The following GLB1 variants were observed in gnomAD, a reference collection of about 807,000 sequenced individuals.
The protein encoded by GLB1 is galactosidase beta 1.
A neutral mutation model predicts 74.0 loss-of-function variants in GLB1; 56 were observed. That is an observed-to-expected ratio of 0.76 (90% CI 0.61 to 0.94). The LOEUF is 0.94. Ranked by LOEUF, GLB1 falls within the 40% of genes least tolerant of loss-of-function variation. The probability of loss-of-function intolerance (pLI) is 0.00; values close to 1 mark genes in which losing one functional copy is unlikely to be tolerated. For missense variants in GLB1, 787 were observed against 845.5 expected (o/e 0.93, Z 0.86); for synonymous variants, 323 against 323.6 (o/e 1.00, Z 0.02).
intron 13 of GLB1, among the ~76,000 whole-genome samples, chr3:33,017,693 G>A (rs1437103554): frequency 5.3e-5 from 8 of 152,298 alleles, no homozygotes; most frequent in Non-Finnish European, 7.3e-5. Context: ...GTTGTCACGA[G>A]CAGTCCTTCA....
chr3:33,093,215 GTCC>G lies in GLB1; in HGVS notation c.75+3793_75+3795del, dbSNP rs201419790. ...CGTCCACCCCAGCCAAGCAGATCCA[GTCC>G]TCATCCTCACTCCCACTGCCACTGC... On this transcript the variant is annotated intron_variant, in intron 1 of 15. Transcript: ENST00000307363. This position sits in a 1 kb window ranked among gnomAD's most constrained non-coding sequence, Gnocchi z 6.0. The G allele has an allele frequency of 2.5e-3, 4,051 of 1,614,074 alleles. 84 individuals are homozygous for G. In the African/African-American group the frequency reaches 0.048, roughly 19 times the overall value.
intron 10 of GLB1, chr3:33,038,019 C>CAAAAAAAAA (rs63478362): frequency 1.4e-5 from 1 of 71,704 alleles, no homozygotes; most frequent in Non-Finnish European, 2.4e-5. Context: ...GGCGACTCTT[C>CAAAAAAAAA]AAAAAAAAAA....
chr3:33,018,397 T>G (rs1177465598), intron 13 of GLB1, 51 bp downstream of exon 13: 5 of 1,471,304 alleles, frequency 3.4e-6, no homozygotes, highest in Non-Finnish European at 3.7e-6. Context: ...TGCAGGCTGC[T>G]CATCCCCACC....
chr3:33,077,428 G>A, intron 1 of GLB1: 1 of 906,576 alleles, frequency 1.1e-6, no homozygotes, highest in Non-Finnish European at 1.7e-6. Flanking sequence ...CACCTGCTCA[G>A]TTGGAAATGG....
intron 10 of GLB1, chr3:33,034,279 A>T: frequency 1.4e-6 from 1 of 707,500 alleles, no homozygotes; most frequent in South Asian, 1.5e-5. Context: ...GGGAAGGCCA[A>T]TGGGAAGTGA....
intron 15 of GLB1, among the ~76,000 whole-genome samples, chr3:33,012,948 G>T (rs1697090254): frequency 6.6e-6 from 1 of 152,134 alleles, no homozygotes; most frequent in South Asian, 2.1e-4. Context: ...ATCCATAAGT[G>T]TCCTTACCCA....
At chr3:33,029,948 AAAGTT>A (rs987397558) in intron 10 of GLB1, 5 of 121,482 alleles carry the variant, frequency 4.1e-5, no homozygotes, top group African/African-American at 1.5e-4. Flanking sequence ...CATGAACCTA[AAAGTT>A]AAGAAAAAAA....
At chr3:32,963,567 T>C in the GLB1 span, among the ~76,000 whole-genome samples, 3 of 152,124 alleles carry the variant, frequency 2.0e-5, no homozygotes, top group African/African-American at 7.3e-5. Context: ...AAGTGGCACA[T>C]GGATGTTTGT....
At chr3:33,062,386 T>C (rs1699478074) in intron 5 of GLB1, among the ~76,000 whole-genome samples, 1 of 152,130 alleles carries the variant, frequency 6.6e-6, no homozygotes, top group Non-Finnish European at 1.5e-5. Flanking sequence ...CAGGCTGGTC[T>C]TGAACTCCTG....
At chr3:33,009,122 A>AAAATAAATAAATAAATAAATAAATAAAT (rs201038052) in intron 15 of GLB1, among the ~76,000 whole-genome samples, 26 of 137,442 alleles carry the variant, frequency 1.9e-4, no homozygotes, top group Non-Finnish European at 2.4e-4. Flanking sequence ...TCCATCTTAA[A>AAAATAAATAAATAAATAAATAAATAAAT]AAATAAATAA....
intron 4 of GLB1, 104 bp from the exon 5 acceptor site, chr3:33,065,661 T>A: frequency 7.2e-7 from 1 of 1,380,018 alleles, no homozygotes. Context: ...ATTCGTAAAC[T>A]TTTTAAAAAC....
intron 10 of GLB1, among the ~76,000 whole-genome samples, chr3:33,026,540 G>A (rs1473314535): frequency 6.6e-6 from 1 of 152,176 alleles, no homozygotes; most frequent in East Asian, 1.9e-4. Flanking sequence ...CTTCAAGCTG[G>A]GGAGGGCCCG....
chr3:33,047,270 G>T (rs1341019972), intron 9 of GLB1, among the ~76,000 whole-genome samples: 1 of 152,186 alleles, frequency 6.6e-6, no homozygotes, highest in African/African-American at 2.4e-5. Context: ...CAAGGGGCGG[G>T]GTCTAGACCA....
intron 10 of GLB1, chr3:33,045,516 T>A (rs1270008246): frequency 1.0e-6 from 1 of 988,142 alleles, no homozygotes; most frequent in Non-Finnish European, 1.2e-6. Flanking sequence ...TATCTTCTTC[T>A]CTCTTGCAAA....
intron 1 of GLB1, chr3:33,094,024 T>C: frequency 6.2e-7 from 1 of 1,614,202 alleles, no homozygotes; most frequent in Non-Finnish European, 8.5e-7. Context: ...AGGGAGCCAA[T>C]GAGCAAGAGC....
chr3:33,060,496 G>C (rs1052591394), intron 5 of GLB1, among the ~76,000 whole-genome samples: 14 of 152,082 alleles, frequency 9.2e-5, no homozygotes, highest in Non-Finnish European at 1.9e-4. Flanking sequence ...AAGAAATTCA[G>C]AGCTAAAGAT....
At chr3:32,990,772 G>C in the GLB1 span, among the ~76,000 whole-genome samples, 1 of 152,156 alleles carries the variant, frequency 6.6e-6, no homozygotes, top group Admixed American at 6.5e-5. Context: ...AGGAGATCGA[G>C]ACCATCCTGG....
Position 33,051,671 on chromosome 3 carries a change from T to G in GLB1, c.955+87A>C, listed in dbSNP as rs187411400. ...GAGAGGATAAACAAAAAAAGGAAAA[T>G]AAAATTGTCTGTGGGCACACCCCTC... On this transcript the variant is annotated intron_variant, in intron 9 of 15. Transcript: ENST00000307363. The G allele has an allele frequency of 3.5e-4, 514 of 1,484,360 alleles. 3 individuals are homozygous for G. The East Asian group carries it at 0.011, about 31-fold the overall frequency. 91.9% of individuals were successfully genotyped at this position (1,484,360 alleles called of 1,614,324 possible). A position where few individuals can be genotyped will look rare whatever the true frequency, so the allele number is the denominator to read the frequency against.
intron 15 of GLB1, among the ~76,000 whole-genome samples, chr3:33,001,438 C>T (rs1696564686): frequency 6.6e-6 from 1 of 152,172 alleles, no homozygotes; most frequent in South Asian, 2.1e-4. Context: ...CATGTGCAAA[C>T]ACTACTCACC....
Sources: gnomAD v4.1 joint callset for allele counts (sites outside exome capture counted in the v4.1 genomes callset) on GRCh38, gnomAD v4.1.1 for gene constraint, Gnocchi (gnomAD v3.1) non-coding constraint, MANE v1.5 for transcripts, NCBI Gene and HGNC (gene_info 2026-07-23, HGNC 2026-07-21) for gene names.